PDE1C: variants seen among roughly 807,000 people sequenced by gnomAD.
PDE1C encodes dual specificity calcium/calmodulin-dependent 3',5'-cyclic nucleotide phosphodiesterase 1C.
Under a neutral mutation model 93.1 loss-of-function variants are expected in PDE1C, and 62 were observed. That is an observed-to-expected ratio of 0.67 (90% CI 0.54 to 0.82). The LOEUF is 0.82. Among genes scored for constraint, PDE1C ranks in the 40% least tolerant of loss-of-function variants. The probability of loss-of-function intolerance (pLI) is 0.00; values close to 1 mark genes in which losing one functional copy is unlikely to be tolerated. For synonymous variants in PDE1C, 325 were observed against 310.1 expected, an observed-to-expected ratio of 1.05 and a Z score of -0.50; for missense variants, 742 against 884.6, an observed-to-expected ratio of 0.84 and a Z score of 2.04.
intron 1 of PDE1C, among the ~76,000 whole-genome samples, chr7:32,388,624 G>A (rs1784685752): frequency 1.4e-5 from 2 of 138,326 alleles, no homozygotes; most frequent in African/African-American, 2.7e-5. Context: ...GCTGCAGTGA[G>A]CCATGATTGC....
At chr7:32,336,444 A>C (rs1174744324) in intron 1 of PDE1C, among the ~76,000 whole-genome samples, 2 of 152,232 alleles carry the variant, frequency 1.3e-5, no homozygotes, top group Non-Finnish European at 2.9e-5. Context: ...TGTGTAAAAA[A>C]TGGAAAAATG....
chr7:31,702,368 C>CG, the PDE1C span, among the ~76,000 whole-genome samples: 1 of 152,024 alleles, frequency 6.6e-6, no homozygotes, highest in African/African-American at 2.4e-5. Context: ...GTCCAAGGAC[C>CG]GGGGGAGGCT....
intron 1 of PDE1C, among the ~76,000 whole-genome samples, chr7:32,408,999 G>T (rs772498320): frequency 1.3e-5 from 2 of 152,074 alleles, no homozygotes; most frequent in East Asian, 1.9e-4. Context: ...AAGCCCAGGG[G>T]TTTTCTGGCA....
At chr7:32,358,398 A>T (rs1479144326) in intron 1 of PDE1C, among the ~76,000 whole-genome samples, 1 of 152,250 alleles carries the variant, frequency 6.6e-6, no homozygotes, top group African/African-American at 2.4e-5. Flanking sequence ...CTCAAACAGC[A>T]GCCCCTCTCA....
chr7:31,620,648 C>A, the PDE1C span, among the ~76,000 whole-genome samples: 2 of 150,312 alleles, frequency 1.3e-5, no homozygotes, highest in Non-Finnish European at 3.0e-5. Context: ...GATAAAACCA[C>A]AAAGATGGGG....
intron 2 of PDE1C, among the ~76,000 whole-genome samples, chr7:31,925,185 C>T (rs1214623392): frequency 6.6e-6 from 1 of 151,916 alleles, no homozygotes; most frequent in Non-Finnish European, 1.5e-5. Context: ...AGAGCCCCCA[C>T]TGTTAAGTGG....
chr7:32,026,464 A>G (rs1269653304), intron 2 of PDE1C, among the ~76,000 whole-genome samples: 2 of 152,144 alleles, frequency 1.3e-5, no homozygotes, highest in African/African-American at 4.8e-5. Context: ...TGGCCATATT[A>G]AGACAGTCTT....
intron 1 of PDE1C, among the ~76,000 whole-genome samples, chr7:32,254,062 T>C (rs577622566): frequency 1.3e-5 from 2 of 151,990 alleles, no homozygotes; most frequent in Admixed American, 1.3e-4. Context: ...TCCCAAAGGG[T>C]CTCATGCACC....
intron 3 of PDE1C, among the ~76,000 whole-genome samples, chr7:32,085,024 G>A (rs898793554): frequency 1.6e-5 from 2 of 127,706 alleles, no homozygotes; most frequent in African/African-American, 3.1e-5. Context: ...GAAGGAAATA[G>A]AGACACAAAA....
At chr7:31,882,490 T>C (rs74900296) in intron 2 of PDE1C, among the ~76,000 whole-genome samples, 2,533 of 152,260 alleles carry the variant, frequency 0.017, 36 homozygotes, top group Non-Finnish European at 0.026. Context: ...TGGCTAAGTC[T>C]GCCTCCAGTT....
intron 2 of PDE1C, among the ~76,000 whole-genome samples, chr7:32,008,121 A>G (rs1269852914): frequency 2.6e-5 from 4 of 152,200 alleles, no homozygotes; most frequent in South Asian, 2.1e-4. Flanking sequence ...CCCTGTGGCT[A>G]TTCAGACCCA....
the PDE1C span, among the ~76,000 whole-genome samples, chr7:31,619,987 A>G: frequency 4.6e-5 from 7 of 152,186 alleles, no homozygotes; most frequent in African/African-American, 1.7e-4. Flanking sequence ...TCCTACGCCC[A>G]CGGAGTCTCG....
chr7:32,121,682 G>A (rs533218377), intron 3 of PDE1C, among the ~76,000 whole-genome samples: 15 of 152,188 alleles, frequency 9.9e-5, no homozygotes, highest in South Asian at 6.2e-4. Context: ...GAGGGATTTC[G>A]TCACCACCAG....
chr7:31,930,868 A>AG lies in PDE1C; in HGVS notation c.129-50009_129-50008insC, dbSNP rs1346293256. Among the ~76,000 whole-genome samples, 15 of 149,352 alleles carry AG rather than the reference A, an allele frequency of 1.0e-4. 1 individual carries two copies. The highest frequency in any genetic ancestry group is 3.4e-4 in the African/African-American group (14 of 40,722). On this transcript the variant is annotated intron_variant, in intron 2 of 17. Transcript: ENST00000396191. ...TGTCTCAAAAAAAAAAAAAAAAAAA[A>AG]AAAAAAAAGCTTATCCACCACTATC...
intron 1 of PDE1C, among the ~76,000 whole-genome samples, chr7:32,282,485 A>AATAAATAGATAGATAGATAGATAG (rs1811712539): frequency 7.0e-6 from 1 of 143,860 alleles, no homozygotes; most frequent in Non-Finnish European, 1.5e-5. Context: ...TCAAAAAAAA[A>AATAAATAGATAGATAGATAGATAG]ATAGATAGAT....
intron 2 of PDE1C, among the ~76,000 whole-genome samples, chr7:31,972,461 A>T (rs2129050048): frequency 6.6e-6 from 1 of 152,306 alleles, no homozygotes; most frequent in African/African-American, 2.4e-5. Context: ...GTCTCTAAGC[A>T]AGAGCCAAAA....
At chr7:32,073,331 T>A (rs181250171), upstream of PDE1C, among the ~76,000 whole-genome samples, 1 of 152,344 alleles carries the variant, frequency 6.6e-6, no homozygotes, top group African/African-American at 2.4e-5. Context: ...TTGCTTTATC[T>A]ACAGCCATAA....
intron 2 of PDE1C, among the ~76,000 whole-genome samples, chr7:31,900,180 C>T (rs529007435): frequency 6.6e-6 from 1 of 152,262 alleles, no homozygotes; most frequent in South Asian, 2.1e-4. Flanking sequence ...ATCACAGATA[C>T]TCTCTACTTA....
At chr7:32,411,819 C>T (rs1273185941) in intron 1 of PDE1C, among the ~76,000 whole-genome samples, 2 of 147,188 alleles carry the variant, frequency 1.4e-5, no homozygotes, top group Non-Finnish European at 1.5e-5. Context: ...ACATATTGTA[C>T]AGCTGTGCAA....
Sources: gnomAD v4.1 joint callset for allele counts (sites outside exome capture counted in the v4.1 genomes callset) on GRCh38, gnomAD v4.1.1 for gene constraint, MANE v1.5 for transcripts, NCBI Gene and HGNC (gene_info 2026-07-23, HGNC 2026-07-21) for gene names.